The following RNF115 variants were observed in gnomAD, a reference collection of about 807,000 sequenced individuals.
The protein encoded by RNF115 is E3 ubiquitin-protein ligase RNF115.
RNF115 carries 31 observed loss-of-function variants against 39.2 expected under a neutral mutation model. The ratio of observed to expected loss-of-function variants is 0.79; its 90% CI spans 0.59 to 1.07. The LOEUF (loss-of-function observed/expected upper bound fraction) is 1.07, where lower values mean the gene tolerates loss of function less well. Among genes scored for constraint, RNF115 ranks in the 50% least tolerant of loss-of-function variants. The pLI, the probability that RNF115 is intolerant of heterozygous loss-of-function variation, is 0.00. For missense variants in RNF115, 384 were observed against 381.7 expected (o/e 1.01, Z -0.05); for synonymous variants, 124 against 131.0 (o/e 0.95, Z 0.37).
At chr1:145,779,236 A>T (rs1193533355) in intron 3 of RNF115, among the ~76,000 whole-genome samples, 1 of 151,090 alleles carries the variant, frequency 6.6e-6, no homozygotes, top group African/African-American at 2.4e-5. Flanking sequence ...GTGCAGTGGC[A>T]CGAGCTCAGC....
chr1:145,819,894 C>T (rs1273889187), intron 1 of RNF115, among the ~76,000 whole-genome samples: 4 of 152,128 alleles, frequency 2.6e-5, no homozygotes, highest in Non-Finnish European at 5.9e-5. Context: ...AAAAATTAGC[C>T]AGGTCTAGTG....
chr1:145,797,208 T>C (rs879984517), intron 1 of RNF115, among the ~76,000 whole-genome samples: 1 of 152,174 alleles, frequency 6.6e-6, no homozygotes, highest in African/African-American at 2.4e-5. Flanking sequence ...TTCCCTGCTA[T>C]ATAAGCCCTT....
At chr1:145,797,699 A>T (rs1188627940) in intron 1 of RNF115, among the ~76,000 whole-genome samples, 3 of 152,098 alleles carry the variant, frequency 2.0e-5, no homozygotes, top group Non-Finnish European at 4.4e-5. Flanking sequence ...TTCTATTTTT[A>T]ATTTTTTGAG....
intron 1 of RNF115, among the ~76,000 whole-genome samples, chr1:145,800,642 T>G (rs1325773263): frequency 1.3e-5 from 2 of 151,988 alleles, no homozygotes; most frequent in African/African-American, 4.8e-5. Flanking sequence ...ATCAGACAAG[T>G]AAAAGGAAAA....
intron 4 of RNF115, among the ~76,000 whole-genome samples, chr1:145,755,721 T>G (rs116746633): frequency 6.6e-6 from 1 of 152,026 alleles, no homozygotes; most frequent in South Asian, 2.1e-4. Flanking sequence ...TCAGTGAAGT[T>G]TGAAGAGCCT....
At chr1:145,751,127 A>G (rs781654238) in intron 6 of RNF115, among the ~76,000 whole-genome samples, 4 of 152,164 alleles carry the variant, frequency 2.6e-5, no homozygotes, top group Non-Finnish European at 5.9e-5. Context: ...TTTTTTGTGA[A>G]ATATTTGTTA....
At chr1:145,753,127 C>T in intron 4 of RNF115, 78 bp from the exon 5 acceptor site, 1 of 936,032 alleles carries the variant, frequency 1.1e-6, no homozygotes, top group East Asian at 2.4e-5. Flanking sequence ...TGCCTAATCA[C>T]CAACTAATTC....
chr1:145,751,682 C>T (rs1183151571), intron 5 of RNF115, among the ~76,000 whole-genome samples, 172 bp from the exon 6 acceptor site: 1 of 152,134 alleles, frequency 6.6e-6, no homozygotes, highest in African/African-American at 2.4e-5. Context: ...ACAGACTATC[C>T]AGAGATAGTA....
chr1:145,798,556 A>C (rs1649086216), intron 1 of RNF115, among the ~76,000 whole-genome samples: 1 of 152,148 alleles, frequency 6.6e-6, no homozygotes, highest in South Asian at 2.1e-4. Flanking sequence ...CACTAGTTTT[A>C]TTACCATAGC....
intron 1 of RNF115, among the ~76,000 whole-genome samples, chr1:145,819,295 A>AC: frequency 6.9e-6 from 1 of 144,334 alleles, no homozygotes; most frequent in Non-Finnish European, 1.5e-5. Context: ...AAAAAAAAAA[A>AC]AAAAACAGCC....
chr1:145,760,784 G>A (rs1479285044), intron 4 of RNF115, among the ~76,000 whole-genome samples: 1 of 152,182 alleles, frequency 6.6e-6, no homozygotes, highest in African/African-American at 2.4e-5. Flanking sequence ...CAAAAATGTG[G>A]AATTGACTTT....
intron 4 of RNF115, among the ~76,000 whole-genome samples, chr1:145,764,196 G>C (rs1002598329): frequency 6.6e-6 from 1 of 152,178 alleles, no homozygotes; most frequent in African/African-American, 2.4e-5. Context: ...GATTGCAGAC[G>C]GAGTCTTGTT....
At chr1:145,792,072 C>G (rs1648700890) in intron 1 of RNF115, among the ~76,000 whole-genome samples, 1 of 152,058 alleles carries the variant, frequency 6.6e-6, no homozygotes, top group South Asian at 2.1e-4. Context: ...AGGCACATAC[C>G]ATGACCAGCT....
chr1:145,789,873 T>C (rs1490298632), intron 1 of RNF115, among the ~76,000 whole-genome samples: 4 of 151,648 alleles, frequency 2.6e-5, no homozygotes, highest in African/African-American at 9.7e-5. Flanking sequence ...AATTTTTGTA[T>C]TTTTAGTAGA....
rs1458540351 is a variant in RNF115, at chr1:145,744,166, C to G, written c.*2700G>C. The G allele has an allele frequency of 1.3e-5, 2 of 152,298 alleles. No homozygotes were observed. The highest frequency in any genetic ancestry group is 4.8e-5 in the African/African-American group (2 of 41,488). The allele number at this position is 152,298 out of a possible 1,614,324, so 9.4% of individuals were successfully genotyped here. A position where few individuals can be genotyped will look rare whatever the true frequency, so the allele number is the denominator to read the frequency against. ...ACTACAACTGCCTGTCCTGGCATCT[C>G]CAGACACTGACAAGCAAATATGTCC... On this transcript the variant is annotated 3_prime_UTR_variant, in exon 9 of 9. Transcript: ENST00000582693.
chr1:145,776,811 G>A (rs1273757061), intron 3 of RNF115, among the ~76,000 whole-genome samples: 1 of 152,140 alleles, frequency 6.6e-6, no homozygotes, highest in African/African-American at 2.4e-5. Context: ...ACTCCAGCCT[G>A]GGCAACAAGA....
chr1:145,802,040 A>G (rs1649270458), intron 1 of RNF115, among the ~76,000 whole-genome samples: 2 of 152,184 alleles, frequency 1.3e-5, no homozygotes, highest in South Asian at 2.1e-4. Flanking sequence ...CTCTCATGTT[A>G]GCCTCCCAAA....
Position 145,746,932 on chromosome 1 carries a change from GC to G in RNF115, c.848del (p.Ser283ThrfsTer29). On this transcript the variant is annotated frameshift_variant, in exon 9 of 9. Coordinates refer to ENST00000582693, the MANE Select transcript of RNF115 (RefSeq NM_014455.4). LOFTEE classifies it high-confidence loss of function. ...ATCTGTTGCTTGCAGAGGCCTCAGT[GC>G]TCTGGCTTTGCCGAGTAGAGTCCTC... ...NGEDSTRQSQ[S>X]TEASASNRFS... 1 of 1,613,968 alleles carries G rather than the reference GC, an allele frequency of 6.2e-7. No individual in the cohort carries two copies. Among genetic ancestry groups the G allele is most frequent in the South Asian group, 1.1e-5 (1 of 91,062 alleles).
intron 4 of RNF115, among the ~76,000 whole-genome samples, chr1:145,758,311 G>A (rs1658376105): frequency 6.6e-6 from 1 of 152,150 alleles, no homozygotes; most frequent in Non-Finnish European, 1.5e-5. Context: ...CCCAGATGGT[G>A]AGGAACTAAG....
Sources: gnomAD v4.1 joint callset for allele counts (sites outside exome capture counted in the v4.1 genomes callset) on GRCh38, gnomAD v4.1.1 for gene constraint, MANE v1.5 for transcripts, NCBI Gene and HGNC (gene_info 2026-07-23, HGNC 2026-07-21) for gene names.